WDR25: variants seen among roughly 807,000 people sequenced by gnomAD.
WDR25 encodes WD repeat domain 25.
Under a neutral mutation model 47.7 loss-of-function variants are expected in WDR25, and 35 were observed. That is an observed-to-expected ratio of 0.73 (90% confidence interval 0.56 to 0.97). WDR25 has a LOEUF of 0.97. Ranked by LOEUF, WDR25 falls within the 50% of genes least tolerant of loss-of-function variation. The pLI, the probability that WDR25 is intolerant of heterozygous loss-of-function variation, is 0.00. For synonymous variants in WDR25, 248 were observed against 278.9 expected (o/e 0.89, Z 1.10); for missense variants, 634 against 704.7 (o/e 0.90, Z 1.14).
intron 2 of WDR25, among the ~76,000 whole-genome samples, chr14:100,446,400 A>G (rs1473748247): frequency 2.0e-5 from 3 of 151,852 alleles, no homozygotes; most frequent in Non-Finnish European, 4.4e-5. Context: ...AAAATACAAA[A>G]ATTAGCCAGG....
chr14:100,396,271 C>G (rs184121764), intron 2 of WDR25, among the ~76,000 whole-genome samples: 1 of 152,174 alleles, frequency 6.6e-6, no homozygotes, highest in African/African-American at 2.4e-5. Context: ...CCACTGCGCC[C>G]GGCCGAAATG....
intron 2 of WDR25, among the ~76,000 whole-genome samples, chr14:100,423,819 C>T (rs1156559713): frequency 6.6e-6 from 1 of 152,176 alleles, no homozygotes; most frequent in East Asian, 1.9e-4. Flanking sequence ...TGCACTGAGT[C>T]AGCCCAGGTC....
At chr14:100,429,749 C>T (rs1228445549) in intron 2 of WDR25, among the ~76,000 whole-genome samples, 1 of 152,136 alleles carries the variant, frequency 6.6e-6, no homozygotes, top group African/African-American at 2.4e-5. Flanking sequence ...GGGTTGCACA[C>T]AGCCACCTTC....
intron 2 of WDR25, among the ~76,000 whole-genome samples, chr14:100,405,051 T>C (rs1158746356): frequency 1.3e-5 from 2 of 152,092 alleles, no homozygotes; most frequent in African/African-American, 4.8e-5. Flanking sequence ...TTCTCAGAAT[T>C]GAATTTTTTA....
chr14:100,477,209 T>A (rs970148806), intron 3 of WDR25, among the ~76,000 whole-genome samples: 1 of 152,112 alleles, frequency 6.6e-6, no homozygotes, highest in Non-Finnish European at 1.5e-5. Flanking sequence ...CATACGGGGG[T>A]GGAAGCACTG....
chr14:100,381,821 G>T, intron 2 of WDR25, 75 bp downstream of exon 2: 2 of 1,274,100 alleles, frequency 1.6e-6, no homozygotes, highest in East Asian at 2.5e-5. Flanking sequence ...GAAGTGGAGG[G>T]AGGTTACAGG....
intron 4 of WDR25, among the ~76,000 whole-genome samples, chr14:100,505,615 A>G (rs994903366): frequency 4.6e-5 from 7 of 152,196 alleles, no homozygotes; most frequent in Non-Finnish European, 7.3e-5. Context: ...ATCTTTTTCT[A>G]CAAAGATATC....
intron 4 of WDR25, among the ~76,000 whole-genome samples, chr14:100,492,251 T>C (rs1595143286): frequency 6.6e-6 from 1 of 152,200 alleles, no homozygotes; most frequent in African/African-American, 2.4e-5. Flanking sequence ...GTTCCCTGGG[T>C]TGTCTAAAGT....
intron 2 of WDR25, among the ~76,000 whole-genome samples, chr14:100,394,066 C>T (rs759255977): frequency 2.0e-5 from 3 of 152,192 alleles, no homozygotes; most frequent in African/African-American, 4.8e-5. Flanking sequence ...TAAACGATAA[C>T]GCTCTTACAA....
At chr14:100,393,447 G>A (rs73357478) in intron 2 of WDR25, among the ~76,000 whole-genome samples, 14,907 of 152,138 alleles carry the variant, frequency 0.098, 1,611 homozygotes, top group African/African-American at 0.27. Flanking sequence ...GTTCTGATAC[G>A]GTTCCGGTAC....
chr14:100,376,888 T>TG, intron 1 of WDR25: 1 of 526,764 alleles, frequency 1.9e-6, no homozygotes, highest in Non-Finnish European at 2.7e-6. Context: ...CCCACCCGTT[T>TG]GCATTCCAGA....
chr14:100,478,772 A>C, intron 3 of WDR25, among the ~76,000 whole-genome samples: 1 of 152,178 alleles, frequency 6.6e-6, no homozygotes, highest in East Asian at 1.9e-4. Context: ...GTCTTTTAGC[A>C]ATTCAGCTTT....
intron 4 of WDR25, among the ~76,000 whole-genome samples, chr14:100,490,627 G>C (rs1900531194): frequency 6.6e-6 from 1 of 152,224 alleles, no homozygotes; most frequent in Non-Finnish European, 1.5e-5. Context: ...CTCTGCAGGT[G>C]ATTCTAATGT....
In WDR25 at chr14:100,428,574, G is replaced by A. The variant is rs143362658; in HGVS notation, c.823-39447G>A. ...CCCTGTGGTGGTCCCTGTTGATGCC[G>A]ACCTGCTAGCCTGCTCCATGCTGTC... On this transcript the variant is annotated intron_variant, in intron 2 of 6. Transcript: ENST00000402312. This position sits in a 1 kb window ranked among gnomAD's most constrained non-coding sequence, Gnocchi z 4.3. Among the ~76,000 whole-genome samples, 50 of 152,236 alleles carry A rather than the reference G, an allele frequency of 3.3e-4. 1 individual carries two copies. The East Asian group carries it at 7.7e-3, about 24-fold the overall frequency.
In WDR25 at chr14:100,529,201, G is replaced by A. The variant is rs756382343; in HGVS notation, c.1406G>A (p.Gly469Glu). ...YRMSRRRRYEGHKVEGYSVGC... is the reference protein window; with the variant it reads ...YRMSRRRRYEEHKVEGYSVGC... ...ATGAGCAGACGGCGGCGCTATGAAG[G>A]GCACAAGGTACTTCTGTCCTTGTCC... Residue 469 changes from glycine to glutamate, a missense_variant, in exon 6 of 7, where the codon GGG becomes GAG. Gly to Glu is a moderately conservative substitution (Grantham distance 98). Transcript: ENST00000402312. The surrounding 1 kb of genome is among the most constrained non-coding windows in gnomAD (Gnocchi z 5.1). 1 of 1,613,402 alleles carries A rather than the reference G, an allele frequency of 6.2e-7. No individual in the cohort carries two copies. Among genetic ancestry groups the A allele is most frequent in the Non-Finnish European group, 8.5e-7 (1 of 1,179,764 alleles).
At chr14:100,527,034 CATCACCACTCT>C (rs900259128) in intron 5 of WDR25, among the ~76,000 whole-genome samples, 1 of 12,852 alleles carries the variant, frequency 7.8e-5, no homozygotes, top group Non-Finnish European at 1.9e-4. Context: ...GCACCACCAC[CATCACCACTCT>C]ATCACCACCA....
At position 100,430,252 on chromosome 14, in the gene WDR25, A is replaced by T. The variant is rs1270165255; in HGVS notation, c.823-37769A>T. On this transcript the variant is annotated intron_variant, in intron 2 of 6. Transcript: ENST00000402312. The surrounding 1 kb of genome is among the most constrained non-coding windows in gnomAD (Gnocchi z 4.7). ...CTGGTATGTTGGGTATAGACTGGAGATGAGCTCCACCTCTGCCCAGCCAGT... is the reference window on the plus strand; with the variant it reads ...CTGGTATGTTGGGTATAGACTGGAGTTGAGCTCCACCTCTGCCCAGCCAGT... Among the ~76,000 whole-genome samples, 1 of 151,366 alleles carries T rather than the reference A, an allele frequency of 6.6e-6. No homozygotes were observed. The highest frequency in any genetic ancestry group is 1.5e-5 in the Non-Finnish European group (1 of 67,876).
At chr14:100,508,399 A>G (rs1032148049) in intron 4 of WDR25, among the ~76,000 whole-genome samples, 1 of 152,190 alleles carries the variant, frequency 6.6e-6, no homozygotes, top group Non-Finnish European at 1.5e-5. Context: ...TTCCTAATTC[A>G]ATGTAGTACT....
intron 2 of WDR25, among the ~76,000 whole-genome samples, chr14:100,388,977 A>G (rs1897079290): frequency 6.6e-6 from 1 of 152,256 alleles, no homozygotes. Flanking sequence ...ATGTAATTGA[A>G]AAATGCAGAT....
Sources: gnomAD v4.1 joint callset for allele counts (sites outside exome capture counted in the v4.1 genomes callset) on GRCh38, gnomAD v4.1.1 for gene constraint, Gnocchi (gnomAD v3.1) non-coding constraint, MANE v1.5 for transcripts, NCBI Gene and HGNC (gene_info 2026-07-23, HGNC 2026-07-21) for gene names.